The following HHIPL2 variants were observed in gnomAD, a reference collection of about 807,000 sequenced individuals.
HHIPL2 encodes HHIP like 2.
HHIPL2 carries 61 observed loss-of-function variants against 61.0 expected under a neutral mutation model. The observed-to-expected ratio is 1.00, with a 90% CI of 0.81 to 1.24. The LOEUF is 1.24. Ranked by LOEUF, HHIPL2 falls within the 50% of genes most tolerant of loss-of-function variation. The pLI is 0.00. For missense variants in HHIPL2, 885 were observed against 910.2 expected, an observed-to-expected ratio of 0.97 and a Z score of 0.36; for synonymous variants, 343 against 357.4, an observed-to-expected ratio of 0.96 and a Z score of 0.45.
intron 1 of HHIPL2, among the ~76,000 whole-genome samples, chr1:222,546,225 G>A (rs1659554754): frequency 6.6e-6 from 1 of 152,192 alleles, no homozygotes; most frequent in South Asian, 2.1e-4. Context: ...AAGTAAACAA[G>A]CCAGTGCTGC....
chr1:222,538,045 T>C (rs1157754479), intron 5 of HHIPL2, among the ~76,000 whole-genome samples: 2 of 152,152 alleles, frequency 1.3e-5, no homozygotes, highest in African/African-American at 4.8e-5. Flanking sequence ...AAATTACTGA[T>C]ACATGGAACA....
In HHIPL2 at chr1:222,540,220, A is replaced by G. The variant is rs765169449; in HGVS notation, c.1240T>C (p.Tyr414His). 6.2e-7 allele frequency: 1 copy of G among 1,614,288 alleles called. No homozygotes were observed. Among genetic ancestry groups the G allele is most frequent in the South Asian group, 1.1e-5 (1 of 91,092 alleles). ...CACATGTTCCTGATCCCATAGGCATAGATGGCGGGGTGGGCCCCTGGCTCA... is the reference window on the plus strand; with the variant it reads ...CACATGTTCCTGATCCCATAGGCATGGATGGCGGGGTGGGCCCCTGGCTCA... ...VSEPGAHPAI[Y>H]AYGIRNMWRC... is the part of the protein sequence containing the mutation. Residue 414 changes from tyrosine to histidine, a missense_variant, in exon 4 of 9, where the codon TAT becomes CAT. Tyr to His is a moderately conservative substitution (Grantham distance 83). Transcript: ENST00000343410.
chr1:222,534,669 T>TACACACACACACACACAC (rs10650864), intron 5 of HHIPL2, among the ~76,000 whole-genome samples: 14 of 148,194 alleles, frequency 9.4e-5, no homozygotes, highest in African/African-American at 2.2e-4. Context: ...ACATTGAGAT[T>TACACACACACACACACAC]ACACACACAC....
chr1:222,543,662 G>A lies in HHIPL2; in HGVS notation c.849C>T (p.Phe283=), dbSNP rs1427729934. The change falls in exon 2 of 9, where the codon TTC becomes TTT. Residue 283 remains phenylalanine (F), a synonymous_variant. Coordinates refer to ENST00000343410, the MANE Select transcript of HHIPL2 (RefSeq NM_024746.4). ...GFLGLAFHPK[F]RHNRKFYIYY... is the part of the protein sequence containing the mutation. ...AAATATAGAACTTGCGATTGTGGCG[G>A]AATTTGGGGTGAAAAGCCAACCCCA... 6.2e-7 allele frequency: 1 copy of A among 1,614,136 alleles called. No homozygotes were observed. Among genetic ancestry groups the A allele is most frequent in the Admixed American group, 1.7e-5 (1 of 60,016 alleles).
At position 222,538,099 on chromosome 1, in the gene HHIPL2, G is replaced by A. The variant is rs182776722; in HGVS notation, c.1577+549C>T. ...GACATTACCAAATTAAAGAAGCCAA[G>A]CACAAAAAGAAGAGTACATATTATA... On this transcript the variant is annotated intron_variant, in intron 5 of 8. Coordinates refer to ENST00000343410, the MANE Select transcript of HHIPL2 (RefSeq NM_024746.4). 4.3e-4 allele frequency among the ~76,000 whole-genome samples: 66 copies of A among 151,960 alleles called. No individual in the cohort carries two copies. The East Asian group carries it at 9.8e-3, about 23-fold the overall frequency.
chr1:222,538,735 C>T lies in HHIPL2; in HGVS notation c.1490G>A (p.Gly497Glu). 6.2e-7 allele frequency: 1 copy of T among 1,614,022 alleles called. No individual in the cohort carries two copies. ...GACATAACCTCCAGTGACTGACTTC[C>T]CCACTGCATGGCCATAAGCATAGAT... ...LPIYAYGHAVGKSVTGGYVYR... is the reference protein window; with the variant it reads ...LPIYAYGHAVEKSVTGGYVYR... Residue 497 changes from glycine (G) to glutamate (E), a missense_variant, in exon 5 of 9, where the codon GGG (glycine) becomes GAG (glutamate). Physicochemically the swap from Gly to Glu is moderately conservative, Grantham distance 98 (BLOSUM62 -2). Transcript: ENST00000343410.
intron 1 of HHIPL2, among the ~76,000 whole-genome samples, chr1:222,547,496 AAGAATCAGGGCCAGC>A (rs1228925259): frequency 1.3e-5 from 2 of 151,980 alleles, no homozygotes; most frequent in African/African-American, 4.8e-5. Flanking sequence ...GAGCCTGGAG[AAGAATCAGGGCCAGC>A]AGAATCCCAG....
rs377410734 is a variant in HHIPL2, at chr1:222,547,803, C to G, written c.242G>C (p.Arg81Pro). The G allele has an allele frequency of 5.6e-6, 9 of 1,614,040 alleles. No homozygotes were observed. The African/African-American group carries it at 8.0e-5, about 14-fold the overall frequency. ...AAAATATTCCATGATGTCCCAGTAC[C>G]GGGCAGCGATGCGGCGGTCCTTGTG... is the stretch of plus-strand genomic sequence containing the variant. ...DQHKDRRIAA[R>P]YWDIMEYFDL... is the part of the protein sequence containing the mutation. Residue 81 changes from arginine (R) to proline (P), a missense_variant, in exon 1 of 9, where the codon CGG (arginine) becomes CCG (proline). Transcript: ENST00000343410.
At chr1:222,530,594 C>T (rs17163157) in intron 6 of HHIPL2, among the ~76,000 whole-genome samples, 20 of 152,094 alleles carry the variant, frequency 1.3e-4, no homozygotes, top group African/African-American at 4.3e-4. Context: ...GGAAAGGGTC[C>T]GGGAGCTGAC....
chr1:222,529,743 C>T (rs2102612105), intron 6 of HHIPL2, among the ~76,000 whole-genome samples: 1 of 152,272 alleles, frequency 6.6e-6, no homozygotes, highest in South Asian at 2.1e-4. Context: ...TCAGAAATCC[C>T]ATCAATTAAA....
chr1:222,536,316 C>A (rs954164172), intron 5 of HHIPL2, among the ~76,000 whole-genome samples: 4 of 151,838 alleles, frequency 2.6e-5, no homozygotes, highest in African/African-American at 4.8e-5. Flanking sequence ...AGTGACATCA[C>A]CATAGTTTCT....
intron 6 of HHIPL2, among the ~76,000 whole-genome samples, chr1:222,529,981 A>G (rs1312066988): frequency 6.6e-6 from 1 of 152,232 alleles, no homozygotes; most frequent in Non-Finnish European, 1.5e-5. Flanking sequence ...GGCAGAAAAT[A>G]TGAATCAGTT....
At chr1:222,547,396 A>C (rs1659576798) in intron 1 of HHIPL2, among the ~76,000 whole-genome samples, 1 of 152,204 alleles carries the variant, frequency 6.6e-6, no homozygotes. Context: ...CAGAGGATGC[A>C]AATAATTATT....
rs561506558 is a variant in HHIPL2, at chr1:222,544,166, G to A, written c.345C>T (p.His115=). ...LCQECSPYAA[H]LYDAENTQTP... ...TCTGGGTGTTTTCGGCGTCGTAGAG[G>A]TGGGCTGCGTAGGGCGAGCACTCCT... is the stretch of plus-strand genomic sequence containing the variant. The change falls in exon 2 of 9, where the codon CAC becomes CAT. Residue 115 remains histidine, a synonymous_variant. Coordinates refer to ENST00000343410, the MANE Select transcript of HHIPL2 (RefSeq NM_024746.4). 1.2e-6 allele frequency: 2 copies of A among 1,613,134 alleles called. No homozygotes were observed. Among genetic ancestry groups the A allele is most frequent in the Admixed American group, 3.3e-5 (2 of 60,028 alleles).
chr1:222,538,011 AT>A (rs765728516), intron 5 of HHIPL2, among the ~76,000 whole-genome samples: 172 of 152,312 alleles, frequency 1.1e-3, no homozygotes, highest in African/African-American at 2.7e-3. Flanking sequence ...ATACAACTGA[AT>A]TTTACAAAGC....
chr1:222,542,070 T>A lies in HHIPL2; in HGVS notation c.1060A>T (p.Thr354Ser), dbSNP rs781331274. 6.2e-7 allele frequency: 1 copy of A among 1,614,016 alleles called. No individual in the cohort carries two copies. The highest frequency in any genetic ancestry group is 8.5e-7 in the Non-Finnish European group (1 of 1,179,988). Reference protein sequence around the residue: ...FGLDGYMYIFTGDGGQAGDPF... With the variant: ...FGLDGYMYIFSGDGGQAGDPF... The stretch of plus-strand genomic sequence containing the variant: ...TCTCCAGCCTGTCCCCCGTCCCCAG[T>A]GAATATGTACATATAGCCATCCAGG... Residue 354 changes from threonine (T) to serine (S), a missense_variant, in exon 3 of 9, where the codon ACT (threonine) becomes TCT (serine). By Grantham distance (58) the Thr-to-Ser change is moderately conservative (BLOSUM62 1). Coordinates refer to ENST00000343410, the MANE Select transcript of HHIPL2 (RefSeq NM_024746.4).
rs375617331 is a variant in HHIPL2, at chr1:222,522,581, C to G, written c.*20G>C. On this transcript the variant is annotated 3_prime_UTR_variant, in exon 9 of 9. Coordinates refer to ENST00000343410, the MANE Select transcript of HHIPL2 (RefSeq NM_024746.4). ...GCTCTCCTCTCTCACGTCACCCTGT[C>G]GGCCACCTTGACCAATAGGTCAAGG... 16 of 1,604,978 alleles carry G rather than the reference C, an allele frequency of 1.0e-5. No individual in the cohort carries two copies. The highest frequency in any genetic ancestry group is 8.9e-5 in the East Asian group (4 of 44,834).
intron 5 of HHIPL2, among the ~76,000 whole-genome samples, chr1:222,533,966 A>AAACAAGG (rs1659245794): frequency 1.3e-5 from 2 of 152,244 alleles, no homozygotes; most frequent in Non-Finnish European, 2.9e-5. Flanking sequence ...CAGCAGATAC[A>AAACAAGG]TGTGAGAAAA....
In HHIPL2 at chr1:222,547,788, A is replaced by T; in HGVS notation, c.257T>A (p.Met86Lys). The change falls in exon 1 of 9, where the codon ATG becomes AAG. Residue 86 changes from methionine (M) to lysine (K), a missense_variant. Coordinates refer to ENST00000343410, the MANE Select transcript of HHIPL2 (RefSeq NM_024746.4). The part of the protein sequence containing the change: ...RRIAARYWDI[M>K]EYFDLKRHEL... ...ATGTCTCTTCAGATCAAAATATTCC[A>T]TGATGTCCCAGTACCGGGCAGCGAT... The T allele has an allele frequency of 2.5e-6, 4 of 1,614,152 alleles. No homozygotes were observed. The highest frequency in any genetic ancestry group is 3.3e-4 in the Middle Eastern group (2 of 6,062).
Sources: allele counts gnomAD v4.1 joint callset (sites outside exome capture counted in the v4.1 genomes callset), GRCh38; gene constraint gnomAD v4.1.1; transcripts MANE v1.5; gene names NCBI Gene and HGNC (gene_info 2026-07-23, HGNC 2026-07-21).